TIAM1: variants seen among roughly 807,000 people sequenced by gnomAD.
The protein encoded by TIAM1 is rho guanine nucleotide exchange factor TIAM1.
A neutral mutation model predicts 163.5 loss-of-function variants in TIAM1; 65 were observed. That is an observed-to-expected ratio of 0.40 (90% CI 0.33 to 0.49). The LOEUF is 0.49. Among genes scored for constraint, TIAM1 ranks in the 20% least tolerant of loss-of-function variants. TIAM1 has a pLI of 0.77. For synonymous variants in TIAM1, 833 were observed against 810.1 expected, an observed-to-expected ratio of 1.03 and a Z score of -0.48; for missense variants, 1,789 against 2,044.7, an observed-to-expected ratio of 0.87 and a Z score of 2.41.
At chr21:31,476,403 G>A (rs1450378916) in intron 1 of TIAM1, among the ~76,000 whole-genome samples, 6 of 152,166 alleles carry the variant, frequency 3.9e-5, no homozygotes, top group African/African-American at 1.4e-4. Flanking sequence ...TAAGGGCTTG[G>A]GCCATTTCAG....
intron 16 of TIAM1, among the ~76,000 whole-genome samples, chr21:31,161,082 A>C (rs553589399): frequency 3.0e-5 from 4 of 135,194 alleles, no homozygotes; most frequent in African/African-American, 1.1e-4. Context: ...TGTGTGTTTA[A>C]CAGTTGATAA....
intron 1 of TIAM1, among the ~76,000 whole-genome samples, 198 bp from the exon 2 acceptor site, chr21:31,339,620 A>C (rs76670646): frequency 0.013 from 1,992 of 152,320 alleles, 43 homozygotes; most frequent in African/African-American, 0.046. Context: ...TACCAGGCTT[A>C]GTTATCTATA....
intron 1 of TIAM1, among the ~76,000 whole-genome samples, chr21:31,558,385 G>T (rs1485335619): frequency 6.6e-6 from 1 of 152,004 alleles, no homozygotes; most frequent in African/African-American, 2.4e-5. Flanking sequence ...CTTTCCGCCC[G>T]GTGAGCCCGG....
At chr21:31,126,209 T>C (rs1032546393) in intron 26 of TIAM1, among the ~76,000 whole-genome samples, 5 of 152,148 alleles carry the variant, frequency 3.3e-5, no homozygotes, top group African/African-American at 4.8e-5. Context: ...AGGTAATCCA[T>C]AGTATATTAG....
chr21:31,472,392 T>C (rs1368916343), intron 1 of TIAM1, among the ~76,000 whole-genome samples: 10 of 152,140 alleles, frequency 6.6e-5, no homozygotes, highest in Non-Finnish European at 2.9e-5. Flanking sequence ...CTGGGTGTGG[T>C]AGCACATGCC....
At chr21:31,432,819 A>C (rs1446133913) in intron 2 of TIAM1, among the ~76,000 whole-genome samples, 1 of 152,194 alleles carries the variant, frequency 6.6e-6, no homozygotes, top group African/African-American at 2.4e-5. Context: ...GGAAGGTCTG[A>C]AGTGCCGTAT....
At chr21:31,463,568 AG>A (rs1410962788) in intron 2 of TIAM1, among the ~76,000 whole-genome samples, 1 of 152,206 alleles carries the variant, frequency 6.6e-6, no homozygotes, top group Non-Finnish European at 1.5e-5. Context: ...CTGTAATCCC[AG>A]CACTTTGGGA....
At chr21:31,540,823 C>T (rs1041314684) in intron 1 of TIAM1, among the ~76,000 whole-genome samples, 5 of 151,750 alleles carry the variant, frequency 3.3e-5, no homozygotes, top group East Asian at 1.9e-4. Context: ...GTAATAAACA[C>T]GAAAAGTAAA....
At chr21:31,329,670 C>T (rs145873763) in intron 2 of TIAM1, among the ~76,000 whole-genome samples, 188 of 152,294 alleles carry the variant, frequency 1.2e-3, no homozygotes, top group African/African-American at 4.3e-3. Context: ...GCTATGAAGC[C>T]GCCAGGGAAA....
intron 2 of TIAM1, among the ~76,000 whole-genome samples, chr21:31,372,815 G>C (rs1444593081): frequency 6.6e-6 from 1 of 152,040 alleles, no homozygotes; most frequent in African/African-American, 2.4e-5. Flanking sequence ...CGGCACTTTG[G>C]GAGGCCAAGG....
At chr21:31,271,424 GCT>G (rs746322393) in intron 3 of TIAM1, among the ~76,000 whole-genome samples, 9 of 152,234 alleles carry the variant, frequency 5.9e-5, no homozygotes, top group Non-Finnish European at 8.8e-5. Flanking sequence ...TTCCCAATCA[GCT>G]CTCTGCTCTC....
At chr21:31,435,791 C>T (rs1278410004) in intron 2 of TIAM1, among the ~76,000 whole-genome samples, 1 of 152,142 alleles carries the variant, frequency 6.6e-6, no homozygotes, top group East Asian at 1.9e-4. Context: ...GTTCTGCTCT[C>T]ATGAATGGAT....
At chr21:31,216,887 T>C (rs533354253) in intron 9 of TIAM1, among the ~76,000 whole-genome samples, 1 of 152,250 alleles carries the variant, frequency 6.6e-6, no homozygotes, top group African/African-American at 2.4e-5. Context: ...GAGGCTGCCT[T>C]TCATCCAGTG....
chr21:31,517,638 A>C (rs1316927937), intron 1 of TIAM1, among the ~76,000 whole-genome samples: 1 of 152,162 alleles, frequency 6.6e-6, no homozygotes, highest in Non-Finnish European at 1.5e-5. Flanking sequence ...AGAATATGAA[A>C]CACCCAAATA....
At chr21:31,482,717 G>A (rs2046153301) in intron 1 of TIAM1, among the ~76,000 whole-genome samples, 1 of 152,158 alleles carries the variant, frequency 6.6e-6, no homozygotes, top group Non-Finnish European at 1.5e-5. Context: ...GCCTGCCCAT[G>A]TGCATCTGGT....
At chr21:31,424,813 G>A (rs1229335672) in intron 2 of TIAM1, among the ~76,000 whole-genome samples, 1 of 152,202 alleles carries the variant, frequency 6.6e-6, no homozygotes, top group African/African-American at 2.4e-5. Flanking sequence ...CACTTTTGGA[G>A]GCCAAGGCAG....
chr21:31,187,492 T>C (rs927560364), intron 13 of TIAM1, among the ~76,000 whole-genome samples: 15 of 152,158 alleles, frequency 9.9e-5, no homozygotes, highest in African/African-American at 3.6e-4. Context: ...AACTGTACTG[T>C]TGGAGGGTGT....
At chr21:31,226,980 A>C (rs2088023854) in intron 6 of TIAM1, among the ~76,000 whole-genome samples, 1 of 127,670 alleles carries the variant, frequency 7.8e-6, no homozygotes, top group Admixed American at 9.0e-5. Flanking sequence ...TTTTTGAGAC[A>C]GGGTCGTGCT....
In TIAM1 at chr21:31,402,167, T is replaced by C. The variant is rs2077176700; in HGVS notation, c.-369+61816A>G. ...GGCGGAGATTGCAGTGAGCCGAGAT[T>C]GAGCCACTGCACTGCAGCCTGGCGA... On this transcript the variant is annotated intron_variant, in intron 2 of 28. Transcript: ENST00000286827. Among the ~76,000 whole-genome samples, 4 of 151,992 alleles carry C rather than the reference T, an allele frequency of 2.6e-5. No homozygotes were observed. The South Asian group carries it at 8.3e-4, about 32-fold the overall frequency.
Sources: allele counts gnomAD v4.1 joint callset (sites outside exome capture counted in the v4.1 genomes callset), GRCh38; gene constraint gnomAD v4.1.1; transcripts MANE v1.5; gene names NCBI Gene and HGNC (gene_info 2026-07-23, HGNC 2026-07-21).